PCDHA1: variants seen among roughly 807,000 people sequenced by gnomAD.
PCDHA1 encodes protocadherin alpha 1.
Under a neutral mutation model 61.3 loss-of-function variants are expected in PCDHA1, and 42 were observed. The observed-to-expected ratio is 0.69, with a 90% CI of 0.54 to 0.89. The LOEUF (loss-of-function observed/expected upper bound fraction) is 0.89. PCDHA1 is among the 40% of genes least tolerant of loss of function. The pLI, the probability that PCDHA1 is intolerant of heterozygous loss-of-function variation, is 0.00. For synonymous variants in PCDHA1, 610 were observed against 553.8 expected (o/e 1.10, Z -1.43); for missense variants, 1,256 against 1,235.3 (o/e 1.02, Z -0.25).
intron 1 of PCDHA1, chr5:140,829,783 G>C: frequency 1.9e-6 from 3 of 1,613,808 alleles, no homozygotes; most frequent in African/African-American, 1.3e-5. Context: ...ACGCGCCGGC[G>C]CTGCTGGCGC....
intron 1 of PCDHA1, chr5:140,877,241 T>G (rs1554169505): frequency 1.2e-6 from 2 of 1,613,670 alleles, no homozygotes; most frequent in Non-Finnish European, 1.7e-6. Flanking sequence ...GCGGGCCACG[T>G]GGTGGCGAAA....
chr5:141,000,080 G>T (rs1554257118), intron 3 of PCDHA1, among the ~76,000 whole-genome samples: 1 of 152,068 alleles, frequency 6.6e-6, no homozygotes, highest in Non-Finnish European at 1.5e-5. Context: ...ACAATGCTAG[G>T]CCTGTGAATG....
intron 1 of PCDHA1, chr5:140,856,833 G>T (rs1554149194): frequency 1.9e-6 from 3 of 1,591,548 alleles, no homozygotes; most frequent in Admixed American, 1.7e-5. Flanking sequence ...TTAGTAATAC[G>T]GCTCAACGCT....
chr5:140,918,238 T>A (rs1486197237), intron 1 of PCDHA1, among the ~76,000 whole-genome samples: 3 of 152,176 alleles, frequency 2.0e-5, no homozygotes, highest in African/African-American at 7.2e-5. Context: ...GTACATTGAT[T>A]TTGTATGCTG....
intron 1 of PCDHA1, among the ~76,000 whole-genome samples, chr5:140,915,115 A>T (rs2076990702): frequency 1.3e-5 from 2 of 151,346 alleles, no homozygotes; most frequent in African/African-American, 4.9e-5. Context: ...CACCCACCTA[A>T]TTTTTATATT....
At chr5:140,819,454 G>A (rs2150104376) in intron 1 of PCDHA1, among the ~76,000 whole-genome samples, 76,209 of 151,886 alleles carry the variant, frequency 0.5, 19,326 homozygotes, top group Middle Eastern at 0.62. Context: ...TTTTCTCAAG[G>A]AAGAACTTCT....
intron 1 of PCDHA1, chr5:140,851,063 G>A (rs1192104512): frequency 7.3e-7 from 1 of 1,372,672 alleles, no homozygotes; most frequent in Non-Finnish European, 9.6e-7. Context: ...TTGACTTCTA[G>A]TGAGAATTAT....
intron 1 of PCDHA1, among the ~76,000 whole-genome samples, chr5:140,936,139 C>T (rs1166879357): frequency 6.6e-6 from 1 of 152,078 alleles, no homozygotes; most frequent in Non-Finnish European, 1.5e-5. Flanking sequence ...GTGATCTGCC[C>T]GCCTTGGCCT....
At chr5:140,798,114 C>T (rs1222141162) in intron 1 of PCDHA1, among the ~76,000 whole-genome samples, 5 of 152,076 alleles carry the variant, frequency 3.3e-5, no homozygotes, top group African/African-American at 4.8e-5. Context: ...TCAAGTGATC[C>T]ACCCTCCTAG....
In PCDHA1 at chr5:140,851,081, A is replaced by C. The variant is rs1259623632; in HGVS notation, c.2394+62397A>C. 1.0e-5 allele frequency: 13 copies of C among 1,303,686 alleles called. No individual in the cohort carries two copies. In the East Asian group the frequency reaches 3.5e-4, roughly 35 times the overall value. 80.8% of individuals were successfully genotyped at this position (1,303,686 alleles called of 1,614,324 possible). Reference sequence around the variant, plus strand: ...ACTTCTAGTGAGAATTATAAACTGTATATTAAATAGATATTTTTTGGGTGC... The same window carrying C: ...ACTTCTAGTGAGAATTATAAACTGTCTATTAAATAGATATTTTTTGGGTGC... On this transcript the variant is annotated intron_variant, in intron 1 of 3. Transcript: ENST00000504120.
chr5:140,827,773 CG>C (rs1439056383), intron 1 of PCDHA1, among the ~76,000 whole-genome samples: 1 of 152,120 alleles, frequency 6.6e-6, no homozygotes, highest in Non-Finnish European at 1.5e-5. Context: ...TAAAAGAAGT[CG>C]GGATAACACT....
intron 3 of PCDHA1, among the ~76,000 whole-genome samples, chr5:141,000,351 G>GTC: frequency 1.5e-5 from 1 of 66,852 alleles, no homozygotes; most frequent in Non-Finnish European, 2.9e-5. Flanking sequence ...CTCTCTCTCT[G>GTC]TCTCTCTCTG....
intron 1 of PCDHA1, among the ~76,000 whole-genome samples, chr5:140,895,900 G>A (rs540029399): frequency 1.3e-3 from 196 of 152,038 alleles, no homozygotes; most frequent in African/African-American, 4.6e-3. Context: ...CAACCTCCGC[G>A]TCCCGGGCTC....
chr5:140,842,333 G>A, intron 1 of PCDHA1: 2 of 1,608,106 alleles, frequency 1.2e-6, no homozygotes, highest in South Asian at 2.2e-5. Flanking sequence ...CACCGTTTTA[G>A]TGAGAATTTT....
chr5:140,793,236 G>C (rs60775397), intron 1 of PCDHA1, among the ~76,000 whole-genome samples: 8,176 of 152,250 alleles, frequency 0.054, 725 homozygotes, highest in African/African-American at 0.19. Context: ...AGGGGAAAAG[G>C]AATTATAAAT....
At chr5:140,870,919 C>G in intron 1 of PCDHA1, 1 of 1,613,952 alleles carries the variant, frequency 6.2e-7, no homozygotes, top group South Asian at 1.1e-5. Context: ...CAACGCGTGG[C>G]TTTCATATGA....
chr5:140,862,714 G>C, intron 1 of PCDHA1: 1 of 562,754 alleles, frequency 1.8e-6, no homozygotes, highest in South Asian at 1.4e-5. Flanking sequence ...GCGGGTGGGC[G>C]AGTGCGCGCT....
chr5:140,793,421 T>C lies in PCDHA1; in HGVS notation c.2394+4737T>C, dbSNP rs373553215. Among the ~76,000 whole-genome samples, 36 of 152,338 alleles carry C rather than the reference T, an allele frequency of 2.4e-4. No homozygotes were observed. The South Asian group carries it at 7.5e-3, about 32-fold the overall frequency. On this transcript the variant is annotated intron_variant, in intron 1 of 3. Transcript: ENST00000504120. ...AGAGTATGATTAACATAAATACACA[T>C]TTCCATAGATGGTACAAATGAGTAT... is the stretch of plus-strand genomic sequence containing the variant.
chr5:140,863,274 G>A, intron 1 of PCDHA1: 1 of 1,461,698 alleles, frequency 6.8e-7, no homozygotes. Flanking sequence ...CAGCGCTGGT[G>A]GATGTCAACG....
Sources: allele counts gnomAD v4.1 joint callset (sites outside exome capture counted in the v4.1 genomes callset), GRCh38; gene constraint gnomAD v4.1.1; transcripts MANE v1.5; gene names NCBI Gene and HGNC (gene_info 2026-07-23, HGNC 2026-07-21).